TENM3: variants seen among roughly 807,000 people sequenced by gnomAD.
The protein encoded by TENM3 is teneurin transmembrane protein 3.
TENM3 carries 63 observed loss-of-function variants against 255.1 expected under a neutral mutation model. The observed-to-expected ratio is 0.25, with a 90% confidence interval of 0.20 to 0.30. TENM3 has a LOEUF of 0.30. TENM3 is among the 10% of genes least tolerant of loss of function. The pLI is 1.00. For missense variants in TENM3, 2,929 were observed against 3,461.1 expected (o/e 0.85, Z 3.86); for synonymous variants, 1,306 against 1,322.3 (o/e 0.99, Z 0.27).
At chr4:181,845,916 C>T in the TENM3 span, among the ~76,000 whole-genome samples, 31 of 152,156 alleles carry the variant, frequency 2.0e-4, no homozygotes, top group Non-Finnish European at 3.7e-4. Context: ...CTTATTCTTT[C>T]CTATTGGCAT....
At chr4:182,387,927 G>A (rs1264897682) in intron 3 of TENM3, among the ~76,000 whole-genome samples, 1 of 100,496 alleles carries the variant, frequency 1.0e-5, no homozygotes, top group African/African-American at 3.7e-5. Flanking sequence ...TTTCTAAGGG[G>A]TGATAATTGC....
the TENM3 span, among the ~76,000 whole-genome samples, chr4:182,110,738 G>T: frequency 4.6e-5 from 7 of 152,306 alleles, no homozygotes; most frequent in East Asian, 1.4e-3. Flanking sequence ...TATGATGTCA[G>T]TATGTTGCCT....
intron 3 of TENM3, among the ~76,000 whole-genome samples, chr4:182,593,688 G>A (rs903383017): frequency 1.3e-5 from 2 of 152,158 alleles, no homozygotes; most frequent in Non-Finnish European, 2.9e-5. Context: ...GTGCACACCT[G>A]CTGAAAGCGA....
intron 2 of TENM3, among the ~76,000 whole-genome samples, chr4:182,333,476 G>C (rs1198741024): frequency 6.6e-6 from 1 of 152,064 alleles, no homozygotes; most frequent in South Asian, 2.1e-4. Flanking sequence ...AATCAAAGGG[G>C]AAAACCATGA....
chr4:182,581,398 T>C (rs1048672941), intron 3 of TENM3, among the ~76,000 whole-genome samples: 4 of 152,162 alleles, frequency 2.6e-5, no homozygotes, highest in African/African-American at 7.2e-5. Flanking sequence ...GGACTGTACT[T>C]TGTAGTACTG....
At chr4:181,863,332 T>C in the TENM3 span, among the ~76,000 whole-genome samples, 2 of 152,170 alleles carry the variant, frequency 1.3e-5, no homozygotes, top group South Asian at 2.1e-4. Flanking sequence ...CTCATGAAGA[T>C]TGATTTATTA....
At chr4:181,782,975 G>A in the TENM3 span, among the ~76,000 whole-genome samples, 1 of 152,152 alleles carries the variant, frequency 6.6e-6, no homozygotes, top group Non-Finnish European at 1.5e-5. Context: ...ATTGCACTGT[G>A]GTCTGAGAGA....
At chr4:182,438,680 A>AC (rs1249352174) in intron 3 of TENM3, among the ~76,000 whole-genome samples, 1 of 152,200 alleles carries the variant, frequency 6.6e-6, no homozygotes, top group Non-Finnish European at 1.5e-5. Flanking sequence ...AACTTTGAGA[A>AC]CATTTTTACT....
chr4:182,077,335 T>C, the TENM3 span, among the ~76,000 whole-genome samples: 1 of 152,212 alleles, frequency 6.6e-6, no homozygotes, highest in East Asian at 1.9e-4. Flanking sequence ...AAATGCTTTA[T>C]ATAGTGCTTT....
At chr4:181,660,175 G>T in the TENM3 span, among the ~76,000 whole-genome samples, 8 of 152,034 alleles carry the variant, frequency 5.3e-5, no homozygotes, top group African/African-American at 1.9e-4. Context: ...ACACCATTGT[G>T]GGGGTATGGT....
chr4:182,574,005 T>A (rs1420035014), intron 3 of TENM3, among the ~76,000 whole-genome samples: 2 of 152,186 alleles, frequency 1.3e-5, no homozygotes, highest in African/African-American at 4.8e-5. Context: ...GGCATTTAGC[T>A]AAAAGTATTT....
chr4:182,600,630 T>A (rs1008799476), intron 3 of TENM3, among the ~76,000 whole-genome samples: 5 of 152,064 alleles, frequency 3.3e-5, no homozygotes, highest in African/African-American at 1.2e-4. Flanking sequence ...TTTCTGTAGG[T>A]GTTAATAAAA....
intron 18 of TENM3, among the ~76,000 whole-genome samples, chr4:182,739,906 C>T (rs1458323747): frequency 3.3e-5 from 5 of 151,982 alleles, no homozygotes; most frequent in Non-Finnish European, 1.5e-5. Context: ...TGTGGTGATA[C>T]GCACCTGTAG....
chr4:181,595,238 C>T, the TENM3 span, among the ~76,000 whole-genome samples: 1 of 151,956 alleles, frequency 6.6e-6, no homozygotes, highest in Admixed American at 6.6e-5. Flanking sequence ...CGAGATCAGC[C>T]TGGCCAACAT....
At chr4:181,702,782 T>G in the TENM3 span, among the ~76,000 whole-genome samples, 1 of 152,204 alleles carries the variant, frequency 6.6e-6, no homozygotes, top group Non-Finnish European at 1.5e-5. Flanking sequence ...GATTTCAACA[T>G]GTGTTCACAT....
At chr4:182,148,226 C>T (rs1002745176) in intron 1 of TENM3, among the ~76,000 whole-genome samples, 7 of 152,034 alleles carry the variant, frequency 4.6e-5, no homozygotes. Flanking sequence ...CAGCATTCCA[C>T]AATGGATCAG....
the TENM3 span, among the ~76,000 whole-genome samples, chr4:182,070,271 C>T: frequency 6.6e-6 from 1 of 152,118 alleles, no homozygotes; most frequent in African/African-American, 2.4e-5. Flanking sequence ...TTGCATAGTT[C>T]CGCAGCCTCA....
intron 3 of TENM3, among the ~76,000 whole-genome samples, chr4:182,527,726 GT>G (rs1212468476): frequency 1.4e-5 from 2 of 138,146 alleles, no homozygotes; most frequent in Admixed American, 7.4e-5. Context: ...GGTTGTTGTT[GT>G]TTTTGTTTTT....
At position 182,793,110 on chromosome 4, in the gene TENM3, G is replaced by T; in HGVS notation, c.6438G>T (p.Lys2146Asn). The T allele has an allele frequency of 6.2e-7, 1 of 1,613,994 alleles. No individual in the cohort carries two copies. Among genetic ancestry groups the T allele is most frequent in the South Asian group, 1.1e-5 (1 of 91,084 alleles). Residue 2146 changes from lysine to asparagine, a missense_variant, in exon 26 of 28, where the codon AAG (lysine) becomes AAT (asparagine). Coordinates refer to ENST00000511685, the MANE Select transcript of TENM3 (RefSeq NM_001080477.4). The surrounding 1 kb of genome is among the most constrained non-coding windows in gnomAD (Gnocchi z 5.7). ...TCCAAACAGTTTACCTCAATGAAAA[G>T]ATAATGTGGCGGTACAACTACGATC... ...GQLQTVYLNE[K>N]IMWRYNYDLN...
Sources: gnomAD v4.1 joint callset for allele counts (sites outside exome capture counted in the v4.1 genomes callset) on GRCh38, gnomAD v4.1.1 for gene constraint, Gnocchi (gnomAD v3.1) non-coding constraint, MANE v1.5 for transcripts, NCBI Gene and HGNC (gene_info 2026-07-23, HGNC 2026-07-21) for gene names.